The following RIMS1 variants were observed in gnomAD, a reference collection of about 807,000 sequenced individuals.
RIMS1 encodes the protein regulating synaptic membrane exocytosis 1.
RIMS1 carries 83 observed loss-of-function variants against 214.1 expected under a neutral mutation model. That is an observed-to-expected ratio of 0.39 (90% CI 0.32 to 0.47). RIMS1 has a LOEUF of 0.47. RIMS1 is among the 20% of genes least tolerant of loss of function. RIMS1 has a pLI of 0.99. For missense variants in RIMS1, 2,050 were observed against 2,161.8 expected (o/e 0.95, Z 1.03); for synonymous variants, 793 against 786.8 (o/e 1.01, Z -0.13).
At chr6:72,287,931 G>C (rs973784122) in intron 24 of RIMS1, among the ~76,000 whole-genome samples, 1 of 152,072 alleles carries the variant, frequency 6.6e-6, no homozygotes, top group East Asian at 1.9e-4. Flanking sequence ...TAATAGAGTA[G>C]GTATTTGTTA....
rs534662490 is a variant in RIMS1 at position 72,160,812 on chromosome 6, G to A, written c.472-18763G>A. Among the ~76,000 whole-genome samples the A allele has an allele frequency of 2.0e-4, 28 of 140,486 alleles. 4 individuals carry two copies. The South Asian group carries it at 4.5e-3, about 22-fold the overall frequency. 92.2% of individuals were successfully genotyped at this position (140,486 alleles called of 152,430 possible). ...GTATTTTATTGAGGATTTTTGTATC[G>A]ATGTTCATCAGGGATATTGGTCTGA... On this transcript the variant is annotated intron_variant, in intron 4 of 33. Coordinates refer to ENST00000521978, the MANE Select transcript of RIMS1 (RefSeq NM_014989.7).
chr6:72,131,782 T>C (rs2040483105), intron 4 of RIMS1, among the ~76,000 whole-genome samples: 1 of 152,264 alleles, frequency 6.6e-6, no homozygotes, highest in South Asian at 2.1e-4. Flanking sequence ...CTGGGAGCAC[T>C]ATGGGAGACT....
chr6:72,246,754 A>T (rs1489780733), intron 11 of RIMS1, among the ~76,000 whole-genome samples: 1 of 152,200 alleles, frequency 6.6e-6, no homozygotes, highest in Non-Finnish European at 1.5e-5. Context: ...GGGAAGTGGG[A>T]CTAATTGCAT....
At chr6:72,192,014 A>G (rs997173386) in intron 6 of RIMS1, among the ~76,000 whole-genome samples, 5 of 152,196 alleles carry the variant, frequency 3.3e-5, no homozygotes, top group African/African-American at 7.2e-5. Context: ...GGCCTTTCCT[A>G]CCATAATAGT....
chr6:72,349,969 GA>G (rs2097388496), intron 29 of RIMS1, among the ~76,000 whole-genome samples: 1 of 152,050 alleles, frequency 6.6e-6, no homozygotes, highest in Non-Finnish European at 1.5e-5. Flanking sequence ...GAGACTTATT[GA>G]GAAGATTGTT....
At chr6:72,050,820 C>T (rs1391427113) in intron 2 of RIMS1, among the ~76,000 whole-genome samples, 1 of 152,156 alleles carries the variant, frequency 6.6e-6, no homozygotes, top group African/African-American at 2.4e-5. Flanking sequence ...CTGCACAGTG[C>T]TCCAGTGTGG....
intron 4 of RIMS1, among the ~76,000 whole-genome samples, chr6:72,139,828 A>C (rs1187171993): frequency 1.3e-5 from 2 of 152,190 alleles, no homozygotes; most frequent in African/African-American, 4.8e-5. Context: ...CATCTTTCCA[A>C]ATTAATTCAG....
chr6:72,038,109 AAAAAAAAAAATATATATAT>A (rs1244753084), intron 2 of RIMS1, among the ~76,000 whole-genome samples: 4 of 81,900 alleles, frequency 4.9e-5, no homozygotes, highest in African/African-American at 1.4e-4. Context: ...AAAAAAAAAA[AAAAAAAAAAATATATATAT>A]ATATATATAT....
intron 4 of RIMS1, among the ~76,000 whole-genome samples, chr6:72,117,667 T>A (rs985017097): frequency 6.6e-6 from 1 of 151,992 alleles, no homozygotes; most frequent in Non-Finnish European, 1.5e-5. Context: ...AATATACTCT[T>A]GAAAATTATA....
chr6:72,096,858 C>T, intron 2 of RIMS1, 91 bp from the exon 3 acceptor site: 2 of 1,138,658 alleles, frequency 1.8e-6, no homozygotes, highest in South Asian at 2.7e-5. Flanking sequence ...GCTATGCTTC[C>T]TTTTTGTTAG....
chr6:72,041,925 A>G (rs1346920516), intron 2 of RIMS1, among the ~76,000 whole-genome samples: 1 of 151,920 alleles, frequency 6.6e-6, no homozygotes, highest in Admixed American at 6.6e-5. Flanking sequence ...ATGGCAGAGC[A>G]AGGATTCACA....
At chr6:72,161,305 C>G (rs1293443354) in intron 4 of RIMS1, among the ~76,000 whole-genome samples, 5 of 139,690 alleles carry the variant, frequency 3.6e-5, no homozygotes, top group Non-Finnish European at 8.1e-5. Flanking sequence ...TGCTAGCAGT[C>G]TATCAATTTT....
chr6:72,356,756 G>A (rs965458519), intron 29 of RIMS1, among the ~76,000 whole-genome samples: 23 of 151,774 alleles, frequency 1.5e-4, no homozygotes, highest in Middle Eastern at 3.4e-3. Context: ...GCAAAACTCC[G>A]TCTCAAAAAA....
At chr6:72,229,711 G>A (rs1301372786) in intron 6 of RIMS1, among the ~76,000 whole-genome samples, 1 of 151,754 alleles carries the variant, frequency 6.6e-6, no homozygotes, top group African/African-American at 2.4e-5. Flanking sequence ...TATATTTTCA[G>A]TATATTAATC....
intron 10 of RIMS1, among the ~76,000 whole-genome samples, chr6:72,242,640 C>T (rs1185906008): frequency 6.6e-6 from 1 of 151,646 alleles, no homozygotes; most frequent in African/African-American, 2.4e-5. Flanking sequence ...TTAGAAGCTC[C>T]ACACTTTAAC....
rs187672581 is a variant in RIMS1, at chr6:72,325,866, C to T, written c.4131-7734C>T. Among the ~76,000 whole-genome samples the T allele has an allele frequency of 3.8e-4, 58 of 151,926 alleles. 1 individual carries two copies. Among genetic ancestry groups the T allele is most frequent in the African/African-American group, 1.3e-3 (56 of 41,516 alleles). ...TTATTATCAAAATAGGTCCACCAGA[C>T]ACCTTTAGGAGGTATTTAATGCCAC... is the stretch of plus-strand genomic sequence containing the variant. On this transcript the variant is annotated intron_variant, in intron 28 of 33. Coordinates refer to ENST00000521978, the MANE Select transcript of RIMS1 (RefSeq NM_014989.7).
chr6:72,076,951 C>A (rs188653632), intron 2 of RIMS1, among the ~76,000 whole-genome samples: 4 of 152,244 alleles, frequency 2.6e-5, no homozygotes, highest in African/African-American at 9.6e-5. Flanking sequence ...CCTCCCATTC[C>A]GCTTAGAAGA....
chr6:72,396,782 G>A lies in RIMS1; in HGVS notation c.4619-1467G>A, dbSNP rs185757526. On this transcript the variant is annotated intron_variant, in intron 31 of 33. Transcript: ENST00000521978. The stretch of plus-strand genomic sequence containing the variant: ...AATCCCAGCACTTTGGGAGGCCAAG[G>A]CAGGCAGATCACCGGAGGTCAGGAG... Among the ~76,000 whole-genome samples, 351 of 152,276 alleles carry A rather than the reference G, an allele frequency of 2.3e-3. 7 individuals are homozygous for A. The highest frequency in any genetic ancestry group is 0.019 in the Admixed American group (287 of 15,302).
chr6:72,389,179 G>A (rs1471167018), intron 29 of RIMS1, among the ~76,000 whole-genome samples: 1 of 152,146 alleles, frequency 6.6e-6, no homozygotes, highest in African/African-American at 2.4e-5. Flanking sequence ...AAGGAAAAAC[G>A]GAGAATGTGG....
Sources: allele counts gnomAD v4.1 joint callset (sites outside exome capture counted in the v4.1 genomes callset), GRCh38; gene constraint gnomAD v4.1.1; transcripts MANE v1.5; gene names NCBI Gene and HGNC (gene_info 2026-07-23, HGNC 2026-07-21).